Variants in CADPS observed in about 807,000 individuals in gnomAD.
The protein encoded by CADPS is calcium-dependent secretion activator 1.
Under a neutral mutation model 167.3 loss-of-function variants are expected in CADPS, and 57 were observed. The ratio of observed to expected loss-of-function variants is 0.34; its 90% CI spans 0.28 to 0.42. The LOEUF is 0.42. Among genes scored for constraint, CADPS ranks in the 20% least tolerant of loss-of-function variants. The pLI is 1.00. For synonymous variants in CADPS, 676 were observed against 635.3 expected (o/e 1.06, Z -0.96); for missense variants, 1,414 against 1,738.1 (o/e 0.81, Z 3.32).
At chr3:62,651,127 T>C in intron 4 of CADPS, 47 bp from the exon 5 acceptor site, 1 of 1,349,124 alleles carries the variant, frequency 7.4e-7, no homozygotes, top group South Asian at 1.2e-5. Flanking sequence ...AATAGAAAGC[T>C]GATTTATAAA....
chr3:62,528,615 A>G (rs564376471), intron 13 of CADPS, among the ~76,000 whole-genome samples: 44 of 152,344 alleles, frequency 2.9e-4, no homozygotes, highest in African/African-American at 1.0e-3. Flanking sequence ...ACTATGATTC[A>G]GTCTGCTCAT....
chr3:62,516,567 C>A lies in CADPS; in HGVS notation c.2457+13G>T. ...TTATATATATGTGATCTATCTTTTACTTTCATTCTTACCCTTTCCAAGAGT... is the reference window on the plus strand; with the variant it reads ...TTATATATATGTGATCTATCTTTTAATTTCATTCTTACCCTTTCCAAGAGT... On this transcript the variant is annotated intron_variant, in intron 15 of 29. Coordinates refer to ENST00000383710, the MANE Select transcript of CADPS (RefSeq NM_003716.4). The A allele has an allele frequency of 6.3e-7, 1 of 1,581,192 alleles. No homozygotes were observed. The highest frequency in any genetic ancestry group is 8.6e-7 in the Non-Finnish European group (1 of 1,157,420).
chr3:62,452,183 C>T (rs527350537), intron 26 of CADPS, among the ~76,000 whole-genome samples: 1 of 152,158 alleles, frequency 6.6e-6, no homozygotes, highest in African/African-American at 2.4e-5. Context: ...TACCACTAGG[C>T]ATGATCAGTT....
chr3:62,834,214 T>C (rs865836277), intron 1 of CADPS, among the ~76,000 whole-genome samples: 2 of 152,100 alleles, frequency 1.3e-5, no homozygotes, highest in Admixed American at 1.3e-4. Context: ...GACATGCCAG[T>C]TGAGGATAAT....
chr3:62,805,284 G>A (rs1427168567), intron 1 of CADPS, among the ~76,000 whole-genome samples: 3 of 152,178 alleles, frequency 2.0e-5, no homozygotes, highest in Non-Finnish European at 4.4e-5. Context: ...TCTGTGCCCA[G>A]TGTACTGTAT....
In CADPS at chr3:62,874,501, C is replaced by A; in HGVS notation, c.441+88G>T. On this transcript the variant is annotated intron_variant, in intron 1 of 29. Coordinates refer to ENST00000383710, the MANE Select transcript of CADPS (RefSeq NM_003716.4). The surrounding 1 kb of genome is among the most constrained non-coding windows in gnomAD (Gnocchi z 7.1). The stretch of plus-strand genomic sequence containing the variant: ...GGTCTCCACCTCTCCTGCTCCTCCT[C>A]GCCAGCTGCGCCGCCAGCTCCCATT... 1 of 1,044,226 alleles carries A rather than the reference C, an allele frequency of 9.6e-7. No individual in the cohort carries two copies. 64.7% of individuals were successfully genotyped at this position (1,044,226 alleles called of 1,614,324 possible). A position where few individuals can be genotyped will look rare whatever the true frequency, so the allele number is the denominator to read the frequency against.
intron 3 of CADPS, among the ~76,000 whole-genome samples, chr3:62,726,548 A>C (rs1476752557): frequency 2.6e-5 from 4 of 151,808 alleles, no homozygotes; most frequent in Admixed American, 2.6e-4. Context: ...TCACTAGAGG[A>C]GACATGGAAT....
chr3:62,722,853 G>C (rs1369008889), intron 3 of CADPS, among the ~76,000 whole-genome samples: 1 of 152,078 alleles, frequency 6.6e-6, no homozygotes. Flanking sequence ...TGAGGGTCCT[G>C]TGCTCTGTGA....
chr3:62,820,398 T>C (rs780734814), intron 1 of CADPS, among the ~76,000 whole-genome samples: 3 of 152,168 alleles, frequency 2.0e-5, no homozygotes, highest in Non-Finnish European at 2.9e-5. Context: ...AGATTCATGG[T>C]ACATGACTCT....
At chr3:62,481,172 A>G (rs1247921357) in intron 22 of CADPS, among the ~76,000 whole-genome samples, 1 of 152,268 alleles carries the variant, frequency 6.6e-6, no homozygotes, top group East Asian at 1.9e-4. Flanking sequence ...CATAACATTT[A>G]TGTGACTAAG....
At chr3:62,480,314 A>G (rs998786033) in intron 22 of CADPS, among the ~76,000 whole-genome samples, 2 of 152,156 alleles carry the variant, frequency 1.3e-5, no homozygotes, top group African/African-American at 4.8e-5. Flanking sequence ...AAGATAAGAG[A>G]AGCTTTCTGA....
In CADPS at chr3:62,602,058, A is replaced by G. The variant is rs2060049443; in HGVS notation, c.1326-9310T>C. Reference sequence around the variant, plus strand: ...TGTTGCTAATCAAATACACACAGTAATTTTCATTAGAATTTTTCCCCCCAT... The same window carrying G: ...TGTTGCTAATCAAATACACACAGTAGTTTTCATTAGAATTTTTCCCCCCAT... On this transcript the variant is annotated intron_variant, in intron 6 of 29. Coordinates refer to ENST00000383710, the MANE Select transcript of CADPS (RefSeq NM_003716.4). The surrounding 1 kb of genome is among the most constrained non-coding windows in gnomAD (Gnocchi z 4.4). Among the ~76,000 whole-genome samples, 1 of 152,114 alleles carries G rather than the reference A, an allele frequency of 6.6e-6. No homozygotes were observed. The highest frequency in any genetic ancestry group is 1.5e-5 in the Non-Finnish European group (1 of 68,020).
At position 62,725,593 on chromosome 3, in the gene CADPS, G is replaced by A. The variant is rs576195299; in HGVS notation, c.888+27848C>T. On this transcript the variant is annotated intron_variant, in intron 3 of 29. Coordinates refer to ENST00000383710, the MANE Select transcript of CADPS (RefSeq NM_003716.4). ...ATAATAGCACCCACCTCATGGGGTC[G>A]TATGATGATAAAATGAATTATTATG... Among the ~76,000 whole-genome samples, 20 of 149,580 alleles carry A rather than the reference G, an allele frequency of 1.3e-4. No individual in the cohort carries two copies. The South Asian group carries it at 2.7e-3, about 20-fold the overall frequency.
intron 3 of CADPS, among the ~76,000 whole-genome samples, chr3:62,730,214 C>G (rs1028324636): frequency 2.0e-5 from 3 of 152,122 alleles, no homozygotes; most frequent in Non-Finnish European, 2.9e-5. Flanking sequence ...ATTCCTACCC[C>G]GGTCCAGTGC....
chr3:62,831,637 T>C (rs2075110503), intron 1 of CADPS, among the ~76,000 whole-genome samples: 1 of 152,324 alleles, frequency 6.6e-6, no homozygotes, highest in African/African-American at 2.4e-5. Flanking sequence ...CATTTTAGAA[T>C]GTAAATTCCA....
chr3:62,516,538 CT>C, intron 15 of CADPS, 41 bp downstream of exon 15: 2 of 1,417,006 alleles, frequency 1.4e-6, no homozygotes, highest in African/African-American at 2.9e-5. Context: ...ATGCTTATGT[CT>C]TTTTATATAT....
chr3:62,704,371 G>C (rs972578717), intron 3 of CADPS, among the ~76,000 whole-genome samples: 1 of 152,076 alleles, frequency 6.6e-6, no homozygotes, highest in Non-Finnish European at 1.5e-5. Context: ...TGAGATGCTT[G>C]TCTGTGCTAT....
At chr3:62,761,215 G>T (rs932617835) in intron 2 of CADPS, among the ~76,000 whole-genome samples, 1 of 152,058 alleles carries the variant, frequency 6.6e-6, no homozygotes, top group Non-Finnish European at 1.5e-5. Flanking sequence ...TATTGTTGTT[G>T]TTGTTGCTTC....
intron 7 of CADPS, among the ~76,000 whole-genome samples, chr3:62,586,537 C>T (rs1365592259): frequency 6.6e-6 from 1 of 152,176 alleles, no homozygotes; most frequent in Non-Finnish European, 1.5e-5. Context: ...CTTAGATGTG[C>T]TTCATTTATG....
Sources: allele counts gnomAD v4.1 joint callset (sites outside exome capture counted in the v4.1 genomes callset), GRCh38; gene constraint gnomAD v4.1.1; non-coding constraint Gnocchi (gnomAD v3.1); transcripts MANE v1.5; gene names NCBI Gene and HGNC (gene_info 2026-07-23, HGNC 2026-07-21).